Variants in PXDNL observed in about 807,000 individuals in gnomAD.
PXDNL encodes probable oxidoreductase PXDNL.
A neutral mutation model predicts 150.8 loss-of-function variants in PXDNL; 145 were observed. That is an observed-to-expected ratio of 0.96 (90% CI 0.84 to 1.10). The LOEUF (loss-of-function observed/expected upper bound fraction) is 1.10. Ranked by LOEUF, PXDNL falls within the 50% of genes least tolerant of loss-of-function variation. The probability of loss-of-function intolerance (pLI) is 0.00; values close to 1 mark genes in which losing one functional copy is unlikely to be tolerated. For synonymous variants in PXDNL, 757 were observed against 725.7 expected (o/e 1.04, Z -0.69); for missense variants, 2,087 against 1,873.9 (o/e 1.11, Z -2.10).
At chr8:51,629,697 C>T (rs780684829) in intron 2 of PXDNL, among the ~76,000 whole-genome samples, 15 of 152,052 alleles carry the variant, frequency 9.9e-5, no homozygotes, top group African/African-American at 2.4e-4. Flanking sequence ...CATGTACAAG[C>T]GACCCACAGT....
chr8:51,469,914 C>T (rs776169454), intron 8 of PXDNL, among the ~76,000 whole-genome samples: 1 of 151,854 alleles, frequency 6.6e-6, no homozygotes, highest in East Asian at 1.9e-4. Flanking sequence ...CATTTTTACC[C>T]ATACTTTTCT....
At chr8:51,492,673 C>T (rs2033159631) in intron 5 of PXDNL, among the ~76,000 whole-genome samples, 1 of 152,106 alleles carries the variant, frequency 6.6e-6, no homozygotes, top group Non-Finnish European at 1.5e-5. Flanking sequence ...GCCCACGGAG[C>T]CTCTCTCATT....
intron 1 of PXDNL, among the ~76,000 whole-genome samples, chr8:51,740,242 T>C (rs978077249): frequency 3.5e-4 from 53 of 152,236 alleles, no homozygotes; most frequent in African/African-American, 1.2e-3. Context: ...GTTATAGTGA[T>C]TGGATTGATT....
At chr8:51,372,914 A>T (rs1807170479) in intron 18 of PXDNL, among the ~76,000 whole-genome samples, 1 of 152,248 alleles carries the variant, frequency 6.6e-6, no homozygotes, top group African/African-American at 2.4e-5. Context: ...AGCAAAGTCA[A>T]TCCTTGGGTT....
chr8:51,519,263 C>T (rs927047282), intron 4 of PXDNL, among the ~76,000 whole-genome samples: 1 of 152,002 alleles, frequency 6.6e-6, no homozygotes, highest in East Asian at 1.9e-4. Flanking sequence ...TGAAGAAGGC[C>T]GGGTGCGGTG....
intron 4 of PXDNL, among the ~76,000 whole-genome samples, chr8:51,539,080 GA>G (rs1306818300): frequency 1.8e-4 from 28 of 152,080 alleles, no homozygotes; most frequent in African/African-American, 6.5e-4. Context: ...TTTCACCACT[GA>G]GTATGAAATT....
chr8:51,419,820 G>A (rs1331627671), intron 14 of PXDNL, among the ~76,000 whole-genome samples: 3 of 152,128 alleles, frequency 2.0e-5, no homozygotes, highest in Non-Finnish European at 2.9e-5. Context: ...GAAAAAAAGA[G>A]AGAAGTGGGC....
chr8:51,466,752 C>A (rs1810212954), intron 8 of PXDNL, among the ~76,000 whole-genome samples: 1 of 152,140 alleles, frequency 6.6e-6, no homozygotes, highest in Non-Finnish European at 1.5e-5. Flanking sequence ...ACAGACACTT[C>A]CCACAGGAAG....
At chr8:51,700,194 CA>C (rs1353489359) in intron 1 of PXDNL, among the ~76,000 whole-genome samples, 5 of 132,448 alleles carry the variant, frequency 3.8e-5, no homozygotes, top group African/African-American at 1.4e-4. Context: ...CACACACACA[CA>C]CCATCACACA....
rs1563327748 is a variant in PXDNL, at chr8:51,809,389, A to AGCAGCAGCC, written c.-46_-45insGGCTGCTGC. On this transcript the variant is annotated 5_prime_UTR_variant, in exon 1 of 23. Transcript: ENST00000356297. ...CACGCGAAGAAGCAGCCGGAGGGAG[A>AGCAGCAGCC]GCAGCAGCTGCAGCTGCAGCAGCAA... The AGCAGCAGCC allele has an allele frequency of 4.7e-6, 7 of 1,478,604 alleles. No homozygotes were observed. Among genetic ancestry groups the AGCAGCAGCC allele is most frequent in the Non-Finnish European group, 6.3e-6 (7 of 1,113,150 alleles). The allele number at this position is 1,478,604 out of a possible 1,614,324, so 91.6% of individuals were successfully genotyped here.
At chr8:51,486,849 G>T (rs1810777817) in intron 5 of PXDNL, among the ~76,000 whole-genome samples, 2 of 123,054 alleles carry the variant, frequency 1.6e-5, no homozygotes, top group South Asian at 5.3e-4. Context: ...TTGCCAGGCT[G>T]CAGTGCAGTG....
chr8:51,461,663 C>T (rs749609892), intron 8 of PXDNL, among the ~76,000 whole-genome samples: 15 of 152,218 alleles, frequency 9.9e-5, no homozygotes, highest in Middle Eastern at 3.2e-3. Flanking sequence ...TAGGGAGCTG[C>T]AAGTCTCGTG....
chr8:51,752,909 T>G (rs7001968), intron 1 of PXDNL, among the ~76,000 whole-genome samples: 123,170 of 152,116 alleles, frequency 0.81, 49,964 homozygotes, highest in East Asian at 0.88. Context: ...GGCATACCCA[T>G]GGGCACAAAT....
chr8:51,778,799 G>A (rs752763307), intron 1 of PXDNL, among the ~76,000 whole-genome samples: 6 of 152,148 alleles, frequency 3.9e-5, no homozygotes, highest in Non-Finnish European at 7.3e-5. Flanking sequence ...TCTTCTTTTT[G>A]GCATTCCAAT....
intron 2 of PXDNL, among the ~76,000 whole-genome samples, chr8:51,648,430 G>A (rs976981360): frequency 6.6e-6 from 1 of 152,210 alleles, no homozygotes; most frequent in Non-Finnish European, 1.5e-5. Context: ...AGATTGGAGT[G>A]ATGTGGACTC....
intron 6 of PXDNL, among the ~76,000 whole-genome samples, chr8:51,477,952 G>A (rs1441833984): frequency 6.6e-6 from 1 of 152,076 alleles, no homozygotes; most frequent in African/African-American, 2.4e-5. Flanking sequence ...AAAGGATATA[G>A]ATTTTCACTT....
chr8:51,610,784 A>C (rs2130713087), intron 2 of PXDNL, among the ~76,000 whole-genome samples: 1 of 152,308 alleles, frequency 6.6e-6, no homozygotes, highest in Non-Finnish European at 1.5e-5. Flanking sequence ...TGCAGCCCTC[A>C]GCTGCTGCTG....
chr8:51,648,245 G>A (rs1343875941), intron 2 of PXDNL, among the ~76,000 whole-genome samples: 2 of 152,158 alleles, frequency 1.3e-5, no homozygotes, highest in Non-Finnish European at 2.9e-5. Context: ...GTAATTCCTG[G>A]AATCTGTAAA....
intron 12 of PXDNL, among the ~76,000 whole-genome samples, chr8:51,442,816 C>CT (rs1217410913): frequency 1.3e-5 from 2 of 151,656 alleles, no homozygotes; most frequent in African/African-American, 2.4e-5. Context: ...AAGGGCTTTG[C>CT]TTTTTTTATT....
Sources: gnomAD v4.1 joint callset for allele counts (sites outside exome capture counted in the v4.1 genomes callset) on GRCh38, gnomAD v4.1.1 for gene constraint, MANE v1.5 for transcripts, NCBI Gene and HGNC (gene_info 2026-07-23, HGNC 2026-07-21) for gene names.